CD99L2: variants seen among roughly 807,000 people sequenced by gnomAD.
CD99L2 encodes CD99 molecule like 2.
In CD99L2, 24 loss-of-function variants were observed where a neutral mutation model predicts 27.3. That is an observed-to-expected ratio of 0.88 (90% CI 0.64 to 1.24). CD99L2 has a LOEUF of 1.24. Ranked by LOEUF, CD99L2 falls within the 50% of genes most tolerant of loss-of-function variation. The pLI is 0.00. For synonymous variants in CD99L2, 97 were observed against 87.9 expected (o/e 1.10, Z -0.58); for missense variants, 255 against 221.6 (o/e 1.15, Z -0.96).
chrX:150,829,130 A>G (rs2046403519), intron 2 of CD99L2: 1 of 119,978 alleles, frequency 8.3e-6, no homozygotes, highest in Non-Finnish European at 1.7e-5. Flanking sequence ...TACTGAATGC[A>G]TACTATGGCA....
chrX:150,795,604 T>C (rs143566927), intron 4 of CD99L2, 118 bp from the exon 5 acceptor site: 463 of 669,641 alleles, frequency 6.9e-4, no homozygotes, highest in Non-Finnish European at 9.9e-4. Context: ...GAGGCTCCTA[T>C]AGGACCTCTG....
chrX:150,824,186 G>A (rs1295224732), intron 2 of CD99L2, among the ~76,000 whole-genome samples: 7 of 72,301 alleles, frequency 9.7e-5, no homozygotes, highest in Admixed American at 1.6e-4. Flanking sequence ...GAAGGAGGAG[G>A]AGGAAGAAGA....
intron 1 of CD99L2, among the ~76,000 whole-genome samples, chrX:150,842,830 T>C (rs2046641913): frequency 8.9e-6 from 1 of 112,389 alleles, no homozygotes; most frequent in Non-Finnish European, 1.9e-5. Context: ...ACAGAGAACA[T>C]TTCCATCATC....
chrX:150,802,775 G>T (rs2045932331), intron 4 of CD99L2, among the ~76,000 whole-genome samples: 1 of 103,233 alleles, frequency 9.7e-6, no homozygotes, highest in Non-Finnish European at 2.0e-5. Flanking sequence ...TAGAGACGGG[G>T]TTTCACCGTG....
intron 1 of CD99L2, among the ~76,000 whole-genome samples, chrX:150,874,466 A>G (rs1022219027): frequency 9.4e-6 from 1 of 106,008 alleles, no homozygotes; most frequent in Admixed American, 1.0e-4. Context: ...CAGTGGGAAG[A>G]GTTCAGAGGG....
At chrX:150,842,763 A>G (rs1165601664) in intron 1 of CD99L2, among the ~76,000 whole-genome samples, 1 of 112,213 alleles carries the variant, frequency 8.9e-6, no homozygotes, top group Non-Finnish European at 1.9e-5. Context: ...TGCACTAACC[A>G]TATTTCAATG....
intron 1 of CD99L2, among the ~76,000 whole-genome samples, chrX:150,889,292 G>A (rs1237683081): frequency 2.7e-5 from 3 of 112,422 alleles, no homozygotes; most frequent in South Asian, 7.3e-4. Flanking sequence ...GCCACTGACC[G>A]GTATGAGCTT....
intron 4 of CD99L2, among the ~76,000 whole-genome samples, chrX:150,805,862 T>G (rs182933469): frequency 2.0e-4 from 22 of 111,724 alleles, no homozygotes; most frequent in Non-Finnish European, 4.0e-4. Flanking sequence ...AAATTAATGG[T>G]TGTCAGGGGT....
intron 1 of CD99L2, among the ~76,000 whole-genome samples, chrX:150,843,911 T>C (rs2046660399): frequency 9.0e-6 from 1 of 111,104 alleles, no homozygotes; most frequent in East Asian, 2.8e-4. Flanking sequence ...ATAGAGCTAT[T>C]TATCAAAAAG....
At chrX:150,798,198 A>G (rs868993522) in intron 4 of CD99L2, among the ~76,000 whole-genome samples, 1 of 14,887 alleles carries the variant, frequency 6.7e-5, no homozygotes. Flanking sequence ...GGAGGGAGGG[A>G]GGGAGGGAGG....
Position 150,795,211 on chromosome X carries a change from C to G in CD99L2, c.425G>C (p.Gly142Ala), listed in dbSNP as rs782321234. The part of the protein sequence containing the change: ...DDGRRKPIAG[G>A]GGFSDKDLED... ...CCAGACCAGGTGGGACTCACCTCCT[C>G]CTCCAGCAATTGGTTTCCTGCGGCC... Residue 142 changes from glycine to alanine, a missense_variant, in exon 6 of 11, where the codon GGA becomes GCA. Transcript: ENST00000370377. 1 of 1,211,671 alleles carries G rather than the reference C, an allele frequency of 8.3e-7. No individual in the cohort carries two copies. Among genetic ancestry groups the G allele is most frequent in the Non-Finnish European group, 1.1e-6 (1 of 895,399 alleles).
At chrX:150,786,426 T>C (rs538936071) in intron 7 of CD99L2, among the ~76,000 whole-genome samples, 1 of 111,112 alleles carries the variant, frequency 9.0e-6, no homozygotes, top group African/African-American at 3.3e-5. Flanking sequence ...TCTATGCGTC[T>C]ATGTGTTCTC....
At chrX:150,883,095 G>A (rs1603318237) in intron 1 of CD99L2, among the ~76,000 whole-genome samples, 1 of 111,689 alleles carries the variant, frequency 9.0e-6, no homozygotes, top group Non-Finnish European at 1.9e-5. Flanking sequence ...ACTTGAAGCC[G>A]GGAGAATCGC....
chrX:150,825,415 T>C (rs1283819756), intron 2 of CD99L2, among the ~76,000 whole-genome samples: 3 of 111,942 alleles, frequency 2.7e-5, no homozygotes, highest in African/African-American at 9.7e-5. Flanking sequence ...CGGTACCACA[T>C]AGTTCCACAC....
At chrX:150,807,504 G>A (rs1175973513) in intron 4 of CD99L2, among the ~76,000 whole-genome samples, 4 of 112,333 alleles carry the variant, frequency 3.6e-5, no homozygotes, top group African/African-American at 1.3e-4. Flanking sequence ...CTTGCAGCGC[G>A]ACCTTGGACA....
intron 10 of CD99L2, among the ~76,000 whole-genome samples, chrX:150,769,931 C>G (rs1292616763): frequency 2.7e-5 from 3 of 113,090 alleles, no homozygotes; most frequent in African/African-American, 9.6e-5. Flanking sequence ...TTGCCTGTGG[C>G]AATTTGCAAA....
At chrX:150,890,352 G>A (rs145440681) in intron 1 of CD99L2, among the ~76,000 whole-genome samples, 23,300 of 107,670 alleles carry the variant, frequency 0.22, 1,939 homozygotes, top group Middle Eastern at 0.34. Context: ...GGTGGCAGGC[G>A]CCTGTAATCC....
chrX:150,834,353 G>A (rs1424329884), intron 1 of CD99L2, among the ~76,000 whole-genome samples: 5 of 111,449 alleles, frequency 4.5e-5, no homozygotes, highest in Non-Finnish European at 7.5e-5. Context: ...TTAGCTGGGC[G>A]CGGTAGCATG....
In CD99L2 at chrX:150,824,437, A is replaced by G. The variant is rs111213679; in HGVS notation, c.130+6794T>C. On this transcript the variant is annotated intron_variant, in intron 2 of 10. Transcript: ENST00000370377. ...AAGAAGAAGAAAAGAGAAGAAGAAG[A>G]AAGAAGAAAGAAGAAGAAGAAAGAA... Among the ~76,000 whole-genome samples the G allele has an allele frequency of 1.5e-4, 13 of 83,921 alleles. 1 individual carries two copies. In the South Asian group the frequency reaches 2.7e-3, roughly 17 times the overall value. The allele number at this position is 83,921 out of a possible 115,157, so 72.9% of individuals were successfully genotyped here. A position where few individuals can be genotyped will look rare whatever the true frequency, so the allele number is the denominator to read the frequency against.
Sources: allele counts gnomAD v4.1 joint callset (sites outside exome capture counted in the v4.1 genomes callset), GRCh38; gene constraint gnomAD v4.1.1; transcripts MANE v1.5; gene names NCBI Gene and HGNC (gene_info 2026-07-23, HGNC 2026-07-21).